Variants in NTRK1 observed in about 807,000 individuals in gnomAD.
NTRK1 encodes high affinity nerve growth factor receptor.
NTRK1 carries 62 observed loss-of-function variants against 86.8 expected under a neutral mutation model. The observed-to-expected ratio is 0.71, with a 90% CI of 0.58 to 0.88. The LOEUF (loss-of-function observed/expected upper bound fraction) is 0.88. NTRK1 is among the 40% of genes least tolerant of loss of function. NTRK1 has a pLI of 0.00. For synonymous variants in NTRK1, 469 were observed against 456.6 expected (o/e 1.03, Z -0.35); for missense variants, 967 against 1,078.4 (o/e 0.90, Z 1.45).
chr1:156,867,754 A>G (rs938262712), intron 4 of NTRK1, among the ~76,000 whole-genome samples: 1 of 151,570 alleles, frequency 6.6e-6, no homozygotes, highest in Admixed American at 6.6e-5. Context: ...GCTCACTGCA[A>G]GCTCCGCCTC....
upstream of NTRK1, among the ~76,000 whole-genome samples, chr1:156,858,359 C>T (rs1655483742): frequency 6.6e-6 from 1 of 152,190 alleles, no homozygotes; most frequent in Non-Finnish European, 1.5e-5. Context: ...GAGGGAAAAA[C>T]ACCTTTATGT....
intron 2 of NTRK1, chr1:156,853,922 C>A (rs1442419406): frequency 6.2e-7 from 1 of 1,614,078 alleles, no homozygotes; most frequent in Middle Eastern, 1.6e-4. Flanking sequence ...CTGCAGCAGT[C>A]CCCAGTCAAT....
chr1:156,854,389 C>T lies in NTRK1; in HGVS notation c.51-9965C>T, dbSNP rs1321245319. ...CTGGCAGCTTTGGAGGGGAGCCACACTGGCAGTAGGACAATGAGTGAGGAG... is the reference window on the plus strand; with the variant it reads ...CTGGCAGCTTTGGAGGGGAGCCACATTGGCAGTAGGACAATGAGTGAGGAG... On this transcript the variant is annotated intron_variant, in intron 2 of 16. Coordinates refer to the NTRK1 transcript ENST00000392302. This position sits in a 1 kb window ranked among gnomAD's most constrained non-coding sequence, Gnocchi z 4.2. The T allele has an allele frequency of 7.5e-7, 1 of 1,334,610 alleles. No homozygotes were observed. Among genetic ancestry groups the T allele is most frequent in the African/African-American group, 1.4e-5 (1 of 69,060 alleles). 82.7% of individuals were successfully genotyped at this position (1,334,610 alleles called of 1,614,324 possible).
At position 156,871,766 on chromosome 1, in the gene NTRK1, G is replaced by T; in HGVS notation, c.850+11G>T. 1 of 1,614,160 alleles carries T rather than the reference G, an allele frequency of 6.2e-7. No homozygotes were observed. The highest frequency in any genetic ancestry group is 8.5e-7 in the Non-Finnish European group (1 of 1,180,022). ...AGGTCAACGTCTCCTGTGAGTCTCA[G>T]TGGCAGCTCCGGCACCCACCCCCTA... On this transcript the variant is annotated intron_variant, in intron 7 of 16. Coordinates refer to ENST00000524377, the MANE Select transcript of NTRK1 (RefSeq NM_002529.4).
intron 1 of NTRK1, among the ~76,000 whole-genome samples, chr1:156,830,953 G>A (rs537452029): frequency 6.6e-6 from 1 of 152,222 alleles, no homozygotes; most frequent in Non-Finnish European, 1.5e-5. Context: ...CCTGAAGGGA[G>A]CATTTAGCAA....
chr1:156,876,397 C>T lies in NTRK1; in HGVS notation c.1633-3C>T, dbSNP rs2102919006. 1.2e-6 allele frequency: 2 copies of T among 1,613,746 alleles called. No homozygotes were observed. Among genetic ancestry groups the T allele is most frequent in the Non-Finnish European group, 1.7e-6 (2 of 1,180,006 alleles). ...CAGTCCTGTCCCTGCCGCTTCCATC[C>T]AGGCACTGAAGGAGGCGTCCGAGAG... On this transcript the variant is annotated splice_polypyrimidine_tract_variant and splice_region_variant and intron_variant, in intron 13 of 16. Transcript: ENST00000524377.
rs759244088 is a variant in NTRK1 at position 156,879,227 on chromosome 1, G to A, written c.1911G>A (p.Gly637=). Residue 637 remains glycine, a synonymous_variant, in exon 15 of 17, where the codon GGG becomes GGA. Transcript: ENST00000524377. The part of the protein sequence containing the change: ...LLAVASQVAA[G]MVYLAGLHFV... ...CCGTGGCTAGCCAGGTCGCTGCGGG[G>A]ATGGTGTACCTGGCGGGTCTGCATT... 9 of 1,614,036 alleles carry A rather than the reference G, an allele frequency of 5.6e-6. No individual in the cohort carries two copies. The highest frequency in any genetic ancestry group is 1.6e-4 in the Middle Eastern group (1 of 6,084).
intron 2 of NTRK1, among the ~76,000 whole-genome samples, chr1:156,847,945 T>C (rs1357964701): frequency 6.6e-6 from 1 of 152,106 alleles, no homozygotes; most frequent in Non-Finnish European, 1.5e-5. Flanking sequence ...AGATTCACAC[T>C]GTAGTCATGC....
chr1:156,835,189 A>G (rs6674412), intron 1 of NTRK1, among the ~76,000 whole-genome samples: 116,266 of 152,094 alleles, frequency 0.76, 44,578 homozygotes, highest in East Asian at 0.85. Context: ...GCTTTTCTCT[A>G]CTTCCCACCT....
chr1:156,835,865 G>C (rs1445404855), intron 1 of NTRK1, among the ~76,000 whole-genome samples: 1 of 152,210 alleles, frequency 6.6e-6, no homozygotes, highest in South Asian at 2.1e-4. Context: ...AGGTACCCCT[G>C]CCTCCTTCAC....
At chr1:156,834,612 A>C (rs1338248685) in intron 1 of NTRK1, among the ~76,000 whole-genome samples, 1 of 152,116 alleles carries the variant, frequency 6.6e-6, no homozygotes, top group East Asian at 1.9e-4. Context: ...TCTAAAGTAG[A>C]TTTTAAAACA....
At chr1:156,871,336 C>G (rs145781113) in intron 6 of NTRK1, among the ~76,000 whole-genome samples, 288 of 152,242 alleles carry the variant, frequency 1.9e-3, no homozygotes, top group Middle Eastern at 3.4e-3. Context: ...GAGAGGATTG[C>G]TTGAGGCCCT....
At chr1:156,839,782 C>T (rs768971480) in intron 1 of NTRK1, among the ~76,000 whole-genome samples, 6 of 152,184 alleles carry the variant, frequency 3.9e-5, no homozygotes, top group South Asian at 2.1e-4. Context: ...ATGAGGTGTC[C>T]GGGACTGGTT....
intron 1 of NTRK1, chr1:156,841,237 A>T: frequency 2.2e-6 from 2 of 894,242 alleles, no homozygotes; most frequent in Non-Finnish European, 3.5e-6. Context: ...AAGGGATTAA[A>T]TGGGAGTCTT....
intron 2 of NTRK1, chr1:156,851,273 A>G: frequency 1.2e-6 from 2 of 1,614,078 alleles, no homozygotes; most frequent in Non-Finnish European, 1.7e-6. Flanking sequence ...GGAGCTGGTC[A>G]GAGGCCTAAC....
chr1:156,853,354 G>A (rs1655294851), intron 2 of NTRK1, among the ~76,000 whole-genome samples: 1 of 152,170 alleles, frequency 6.6e-6, no homozygotes, highest in South Asian at 2.1e-4. Context: ...TACAGCTGAG[G>A]AAACTGTGGC....
At chr1:156,858,488 G>C (rs776860503), upstream of NTRK1, 2 of 1,495,974 alleles carry the variant, frequency 1.3e-6, no homozygotes, top group Non-Finnish European at 1.9e-6. Flanking sequence ...TGGCCTCCCA[G>C]CTGGCTGGGA....
At chr1:156,840,535 A>T in intron 1 of NTRK1, 1 of 340,154 alleles carries the variant, frequency 2.9e-6, no homozygotes, top group South Asian at 3.2e-5. Flanking sequence ...AGGAGACCCC[A>T]AACTGAGGGG....
At chr1:156,842,957 C>G (rs753665667) in intron 2 of NTRK1, 21 of 1,436,212 alleles carry the variant, frequency 1.5e-5, no homozygotes, top group Non-Finnish European at 1.9e-5. Flanking sequence ...TACCACATGA[C>G]CTTTACACTA....
Sources: gnomAD v4.1 joint callset for allele counts (sites outside exome capture counted in the v4.1 genomes callset) on GRCh38, gnomAD v4.1.1 for gene constraint, Gnocchi (gnomAD v3.1) non-coding constraint, MANE v1.5 for transcripts, NCBI Gene and HGNC (gene_info 2026-07-23, HGNC 2026-07-21) for gene names.